The following PTGIS variants were observed in gnomAD, a reference collection of about 807,000 sequenced individuals.
The protein encoded by PTGIS is prostaglandin I2 synthase.
In PTGIS, 45 loss-of-function variants were observed where a neutral mutation model predicts 50.3. The observed-to-expected ratio is 0.90, with a 90% CI of 0.70 to 1.15. The LOEUF (loss-of-function observed/expected upper bound fraction) is 1.15, where lower values mean the gene tolerates loss of function less well. Ranked by LOEUF, PTGIS falls within the 50% of genes most tolerant of loss-of-function variation. The pLI is 0.00. For synonymous variants in PTGIS, 260 were observed against 267.7 expected, an observed-to-expected ratio of 0.97 and a Z score of 0.28; for missense variants, 668 against 661.3, an observed-to-expected ratio of 1.01 and a Z score of -0.11.
Position 49,514,257 on chromosome 20 carries a change from G to T in PTGIS, c.994C>A (p.Gln332Lys). The T allele has an allele frequency of 2.5e-6, 4 of 1,614,076 alleles. No individual in the cohort carries two copies. Among genetic ancestry groups the T allele is most frequent in the Non-Finnish European group, 3.4e-6 (4 of 1,180,046 alleles). The change falls in exon 7 of 10, where the codon CAG becomes AAG. Residue 332 changes from glutamine (Q) to lysine (K), a missense_variant. Gln to Lys is a moderately conservative substitution (Grantham distance 53, BLOSUM62 1). Transcript: ENST00000244043. The part of the protein sequence containing the change: ...QPVSQTTTLP[Q>K]KVLDSTPVLD... ...ACAGGTGTGCTGTCTAGAACCTTCT[G>T]TGGGAGAGTGGTCGTCTGCGAGACA...
At chr20:49,539,302 A>C (rs1982161506) in intron 5 of PTGIS, among the ~76,000 whole-genome samples, 1 of 152,310 alleles carries the variant, frequency 6.6e-6, no homozygotes, top group South Asian at 2.1e-4. Context: ...TTAAAACACA[A>C]AAAGGAACAC....
chr20:49,532,424 G>A (rs1011723726), intron 5 of PTGIS, among the ~76,000 whole-genome samples: 4 of 152,100 alleles, frequency 2.6e-5, no homozygotes, highest in South Asian at 2.1e-4. Context: ...CCAGTTAAGA[G>A]GCCCAGTGCT....
At chr20:49,526,178 G>A (rs992458815) in intron 5 of PTGIS, among the ~76,000 whole-genome samples, 8 of 152,194 alleles carry the variant, frequency 5.3e-5, no homozygotes, top group Non-Finnish European at 7.3e-5. Context: ...TCAAAATCAC[G>A]TGCGTGGGAA....
intron 4 of PTGIS, 24 bp downstream of exon 4, chr20:49,544,281 A>T: frequency 1.9e-6 from 3 of 1,613,402 alleles, no homozygotes; most frequent in African/African-American, 1.3e-5. Context: ...CCCCAGCAGG[A>T]GGGTGGGGGC....
intron 5 of PTGIS, among the ~76,000 whole-genome samples, chr20:49,526,851 T>C (rs1225344335): frequency 1.3e-5 from 2 of 152,152 alleles, no homozygotes; most frequent in African/African-American, 2.4e-5. Flanking sequence ...CGTGGAGAAA[T>C]TGGAACCCTT....
rs971606824 is a variant in PTGIS, at chr20:49,540,712, T to G, written c.522-991A>C. ...AGGACCACGCTCAGAGGACGCGCCT[T>G]CACCTCCAGCCCCCTTTAAATGCCC... On this transcript the variant is annotated intron_variant, in intron 4 of 9. Coordinates refer to ENST00000244043, the MANE Select transcript of PTGIS (RefSeq NM_000961.4). This position sits in a 1 kb window ranked among gnomAD's most constrained non-coding sequence, Gnocchi z 4.8. Among the ~76,000 whole-genome samples, 4 of 152,238 alleles carry G rather than the reference T, an allele frequency of 2.6e-5. No homozygotes were observed. The highest frequency in any genetic ancestry group is 2.1e-4 in the South Asian group (1 of 4,824).
At chr20:49,520,514 AG>A (rs905961861) in intron 6 of PTGIS, among the ~76,000 whole-genome samples, 18 of 151,876 alleles carry the variant, frequency 1.2e-4, no homozygotes, top group Non-Finnish European at 2.2e-4. Flanking sequence ...TTGTATTTTT[AG>A]TAGAGTCAGG....
rs545087067 is a variant in PTGIS, at chr20:49,561,000, G to A, written c.74+7043C>T. On this transcript the variant is annotated intron_variant, in intron 1 of 9. Transcript: ENST00000244043. ...GAAGGAGATGTGTCAGGGAACTACC[G>A]TGACCCCCCCAGGAGAGCAATGTGG... Among the ~76,000 whole-genome samples the A allele has an allele frequency of 2.1e-4, 32 of 152,258 alleles. 1 individual carries two copies. Among genetic ancestry groups the A allele is most frequent in the South Asian group, 1.5e-3 (7 of 4,826 alleles).
chr20:49,522,559 C>A (rs773462916), intron 6 of PTGIS, among the ~76,000 whole-genome samples: 1 of 152,098 alleles, frequency 6.6e-6, no homozygotes, highest in Non-Finnish European at 1.5e-5. Flanking sequence ...AACTCCTGGG[C>A]TCAAGCAATC....
At chr20:49,548,198 T>A (rs1982414608) in intron 2 of PTGIS, among the ~76,000 whole-genome samples, 179 bp from the exon 3 acceptor site, 1 of 152,078 alleles carries the variant, frequency 6.6e-6, no homozygotes, top group South Asian at 2.1e-4. Flanking sequence ...CACTCACCCA[T>A]TTATAGCTGA....
In PTGIS at chr20:49,548,123, G is replaced by A. The variant is rs115789536; in HGVS notation, c.199-104C>T. ...GTGCCAGGCACTGCCCCACTGGACA[G>A]TAACACACTATGTTCTCTTATCTAT... On this transcript the variant is annotated intron_variant, in intron 2 of 9. Transcript: ENST00000244043. 3,295 of 1,052,232 alleles carry A rather than the reference G, an allele frequency of 3.1e-3. 66 individuals carry two copies. In the African/African-American group the frequency reaches 0.047, roughly 15 times the overall value. The allele number at this position is 1,052,232 out of a possible 1,614,324, so 65.2% of individuals were successfully genotyped here.
At chr20:49,536,931 G>A (rs954423094) in intron 5 of PTGIS, among the ~76,000 whole-genome samples, 1 of 152,114 alleles carries the variant, frequency 6.6e-6, no homozygotes, top group East Asian at 1.9e-4. Flanking sequence ...TCTTCAAGCC[G>A]TCAGAGCCCA....
chr20:49,543,908 G>A (rs1455351565), intron 4 of PTGIS, among the ~76,000 whole-genome samples: 1 of 152,216 alleles, frequency 6.6e-6, no homozygotes. Context: ...AGGAAGGAAC[G>A]TTCGGTTGTG....
intron 1 of PTGIS, among the ~76,000 whole-genome samples, chr20:49,550,781 C>G (rs1982487298): frequency 1.3e-5 from 2 of 152,238 alleles, no homozygotes; most frequent in Non-Finnish European, 2.9e-5. Context: ...TGGAGTATTA[C>G]TTGCTTCCAA....
At chr20:49,523,783 G>GA (rs758265190) in intron 6 of PTGIS, among the ~76,000 whole-genome samples, 5 of 150,640 alleles carry the variant, frequency 3.3e-5, no homozygotes, top group Admixed American at 6.6e-5. Context: ...TGTCTCAAAA[G>GA]AAAAAAAAAG....
At position 49,559,352 on chromosome 20, in the gene PTGIS, G is replaced by A. The variant is rs77976306; in HGVS notation, c.74+8691C>T. Among the ~76,000 whole-genome samples, 1,050 of 152,148 alleles carry A rather than the reference G, an allele frequency of 6.9e-3. 7 individuals are homozygous for A. The highest frequency in any genetic ancestry group is 0.024 in the African/African-American group (1,015 of 41,490). ...CATTCCTCCTCTTGCCTTCGGAAAC[G>A]CCCTGGTCTGTCTATGGTGTGGCCA... On this transcript the variant is annotated intron_variant, in intron 1 of 9. Transcript: ENST00000244043.
chr20:49,543,654 T>C (rs904670498), intron 4 of PTGIS, among the ~76,000 whole-genome samples: 1 of 152,154 alleles, frequency 6.6e-6, no homozygotes, highest in Non-Finnish European at 1.5e-5. Context: ...GTGGGCACTT[T>C]GCAGTTAGGT....
chr20:49,527,399 G>C (rs1387100506), intron 5 of PTGIS, among the ~76,000 whole-genome samples: 1 of 152,180 alleles, frequency 6.6e-6, no homozygotes, highest in Admixed American at 6.5e-5. Flanking sequence ...GGAGATTGTA[G>C]TGAGCTGAGA....
chr20:49,550,217 T>C (rs1333525844), intron 1 of PTGIS, 28 bp from the exon 2 acceptor site: 1 of 1,609,056 alleles, frequency 6.2e-7, no homozygotes, highest in African/African-American at 1.3e-5. Flanking sequence ...CTTGTCACCA[T>C]TTGATAAGGC....
Sources: gnomAD v4.1 joint callset for allele counts (sites outside exome capture counted in the v4.1 genomes callset) on GRCh38, gnomAD v4.1.1 for gene constraint, Gnocchi (gnomAD v3.1) non-coding constraint, MANE v1.5 for transcripts, NCBI Gene and HGNC (gene_info 2026-07-23, HGNC 2026-07-21) for gene names.